WDR27: variants seen among roughly 807,000 people sequenced by gnomAD.
WDR27 encodes WD repeat-containing protein 27.
WDR27 carries 100 observed loss-of-function variants against 114.4 expected under a neutral mutation model. The ratio of observed to expected loss-of-function variants is 0.87; its 90% CI spans 0.74 to 1.03. WDR27 has a LOEUF of 1.03. WDR27 is among the 50% of genes least tolerant of loss of function. The pLI is 0.00. For missense variants in WDR27, 1,129 were observed against 1,092.9 expected (o/e 1.03, Z -0.47); for synonymous variants, 449 against 423.1 (o/e 1.06, Z -0.75).
At chr6:169,435,862 TG>T in the WDR27 span, among the ~76,000 whole-genome samples, 2 of 152,182 alleles carry the variant, frequency 1.3e-5, no homozygotes, top group African/African-American at 4.8e-5. Context: ...TGTGAGGACA[TG>T]AGATTTGGGA....
chr6:169,451,359 C>T, the WDR27 span, among the ~76,000 whole-genome samples: 1 of 152,172 alleles, frequency 6.6e-6, no homozygotes, highest in Non-Finnish European at 1.5e-5. Context: ...TGTCTCATGT[C>T]TCCCTAAAAT....
At chr6:169,686,186 G>A (rs1475341957) in intron 2 of WDR27, among the ~76,000 whole-genome samples, 1 of 152,162 alleles carries the variant, frequency 6.6e-6, no homozygotes, top group Non-Finnish European at 1.5e-5. Context: ...TACAAGAAAT[G>A]CTCAAGGGAG....
chr6:169,444,512 A>G, the WDR27 span, among the ~76,000 whole-genome samples: 6 of 152,206 alleles, frequency 3.9e-5, no homozygotes, highest in Admixed American at 2.6e-4. Context: ...CAGCTCCACC[A>G]GGGCTGGCCA....
chr6:169,627,474 A>T (rs998297729), intron 21 of WDR27, among the ~76,000 whole-genome samples: 2 of 152,224 alleles, frequency 1.3e-5, no homozygotes, highest in African/African-American at 4.8e-5. Flanking sequence ...AGATAAAAGA[A>T]GCCAAAATGA....
intron 22 of WDR27, among the ~76,000 whole-genome samples, chr6:169,608,538 T>TA (rs1185988266): frequency 6.6e-6 from 1 of 152,124 alleles, no homozygotes; most frequent in Non-Finnish European, 1.5e-5. Flanking sequence ...AAACCTCTGA[T>TA]AAAACCATCG....
Position 169,537,768 on chromosome 6 carries a change from G to A in WDR27, c.2645+34651C>T, listed in dbSNP as rs375861750. ...TAGAAGAGGCAGTAATGGACATGGG[G>A]GGAAGCCAGAGTATTCTGAAGCAGC... On this transcript the variant is annotated intron_variant, in intron 25 of 25. Transcript: ENST00000448612. Among the ~76,000 whole-genome samples, 9 of 152,246 alleles carry A rather than the reference G, an allele frequency of 5.9e-5. No homozygotes were observed. In the South Asian group the frequency reaches 1.5e-3, roughly 25 times the overall value.
At chr6:169,544,431 T>TC (rs1445885478) in intron 25 of WDR27, among the ~76,000 whole-genome samples, 1 of 151,846 alleles carries the variant, frequency 6.6e-6, no homozygotes, top group East Asian at 1.9e-4. Flanking sequence ...TTTTCCTTTT[T>TC]TTTTTTTTTG....
Position 169,638,211 on chromosome 6 carries a change from G to T in WDR27, c.1869+328C>A, listed in dbSNP as rs1332644882. 1.2e-4 allele frequency among the ~76,000 whole-genome samples: 14 copies of T among 120,322 alleles called. 1 individual carries two copies. The South Asian group carries it at 1.3e-3, about 11-fold the overall frequency. The allele number at this position is 120,322 out of a possible 152,430, so 78.9% of individuals were successfully genotyped here. ...GGCGCCTGTAGTCCCAGCTACTCGGGAGGCTGAGGCAGGAGAATGGCGTGA... is the reference window on the plus strand; with the variant it reads ...GGCGCCTGTAGTCCCAGCTACTCGGTAGGCTGAGGCAGGAGAATGGCGTGA... On this transcript the variant is annotated intron_variant, in intron 18 of 25. Coordinates refer to ENST00000448612, the MANE Select transcript of WDR27 (RefSeq NM_182552.5).
intron 24 of WDR27, among the ~76,000 whole-genome samples, chr6:169,582,572 C>T (rs771618624): frequency 2.6e-5 from 4 of 152,104 alleles, no homozygotes; most frequent in Non-Finnish European, 4.4e-5. Context: ...CTGTTTCATT[C>T]AATCAAACAT....
Position 169,467,629 on chromosome 6 carries a change from C to T in WDR27, c.2646-9995G>A, listed in dbSNP as rs142428737. On this transcript the variant is annotated intron_variant, in intron 25 of 25. Coordinates refer to ENST00000448612, the MANE Select transcript of WDR27 (RefSeq NM_182552.5). ...TGATGCAGGGCACCAAGTCCTGAGA[C>T]TGCACAAAGCAGCAAAGCCCTGGGA... Among the ~76,000 whole-genome samples the T allele has an allele frequency of 1.9e-3, 283 of 152,342 alleles. 2 individuals are homozygous for T. The highest frequency in any genetic ancestry group is 6.5e-3 in the African/African-American group (272 of 41,586).
chr6:169,531,757 G>A (rs535324903), intron 25 of WDR27, among the ~76,000 whole-genome samples: 6 of 151,590 alleles, frequency 4.0e-5, no homozygotes, highest in African/African-American at 9.7e-5. Flanking sequence ...GGTTTCAAGC[G>A]ATTTTCCTGC....
intron 25 of WDR27, among the ~76,000 whole-genome samples, chr6:169,484,773 T>C (rs1788662032): frequency 6.6e-6 from 1 of 152,152 alleles, no homozygotes; most frequent in Admixed American, 6.5e-5. Flanking sequence ...CTTCAAACTA[T>C]ACTACAGGGC....
chr6:169,598,555 A>C (rs1435800262), intron 23 of WDR27, among the ~76,000 whole-genome samples: 2 of 152,244 alleles, frequency 1.3e-5, no homozygotes, highest in Non-Finnish European at 2.9e-5. Context: ...AATGGCAAGT[A>C]AATTTCAACA....
chr6:169,434,493 T>C, the WDR27 span, among the ~76,000 whole-genome samples: 22 of 152,354 alleles, frequency 1.4e-4, no homozygotes, highest in South Asian at 2.5e-3. Context: ...CCTTGTAGTA[T>C]AGTTTGAAGT....
In WDR27 at chr6:169,668,379, T is replaced by C. The variant is rs75116995; in HGVS notation, c.457-194A>G. Among the ~76,000 whole-genome samples the C allele has an allele frequency of 5.3e-3, 805 of 152,290 alleles. 9 individuals carry two copies. The highest frequency in any genetic ancestry group is 0.017 in the Middle Eastern group (5 of 294). On this transcript the variant is annotated intron_variant, in intron 4 of 25. Transcript: ENST00000448612. ...GAAGCTGGCGTCTCCTCAGGAATCC[T>C]GTCTCCCCACCGGCTGCCCCATGCA...
intron 25 of WDR27, among the ~76,000 whole-genome samples, chr6:169,497,948 T>G (rs1393840942): frequency 6.6e-6 from 1 of 152,126 alleles, no homozygotes; most frequent in African/African-American, 2.4e-5. Context: ...GAAGAGATAT[T>G]TGTTCAAACA....
intron 19 of WDR27, 23 bp downstream of exon 19, chr6:169,636,348 T>G: frequency 2.5e-6 from 4 of 1,603,806 alleles, no homozygotes; most frequent in Non-Finnish European, 3.4e-6. Context: ...CTAAAAATAA[T>G]GCACAGGGCG....
chr6:169,660,745 T>G lies in WDR27; in HGVS notation c.1047A>C (p.Arg349=), dbSNP rs1165511855. 2 of 1,613,728 alleles carry G rather than the reference T, an allele frequency of 1.2e-6. No homozygotes were observed. Among genetic ancestry groups the G allele is most frequent in the Admixed American group, 3.3e-5 (2 of 60,038 alleles). ...CCACTGAGCTTCCGATCCACACACA[T>G]CGGGTGTTCTCAGAAGAAAGACTGA... is the stretch of plus-strand genomic sequence containing the variant. The part of the protein sequence containing the change: ...ACGCLSSENT[R]CVWIGSSVGL... The change falls in exon 10 of 26, where the codon CGA becomes CGC. Residue 349 remains arginine, a synonymous_variant. Coordinates refer to ENST00000448612, the MANE Select transcript of WDR27 (RefSeq NM_182552.5).
chr6:169,499,608 C>G (rs1011731046), intron 25 of WDR27, among the ~76,000 whole-genome samples: 2 of 152,202 alleles, frequency 1.3e-5, no homozygotes, highest in Admixed American at 1.3e-4. Flanking sequence ...AGTCGCTTCC[C>G]GCAGTGTTGA....
Sources: gnomAD v4.1 joint callset for allele counts (sites outside exome capture counted in the v4.1 genomes callset) on GRCh38, gnomAD v4.1.1 for gene constraint, MANE v1.5 for transcripts, NCBI Gene and HGNC (gene_info 2026-07-23, HGNC 2026-07-21) for gene names.